Variants in SH3GL2 observed in about 807,000 individuals in gnomAD.
SH3GL2 encodes the protein endophilin-A1.
SH3GL2 carries 24 observed loss-of-function variants against 46.0 expected under a neutral mutation model. That is an observed-to-expected ratio of 0.52 (90% CI 0.38 to 0.73). The LOEUF (loss-of-function observed/expected upper bound fraction) is 0.73. Ranked by LOEUF, SH3GL2 falls within the 30% of genes least tolerant of loss-of-function variation. SH3GL2 has a pLI of 0.00. For missense variants in SH3GL2, 413 were observed against 424.2 expected, an observed-to-expected ratio of 0.97 and a Z score of 0.23; for synonymous variants, 196 against 147.1, an observed-to-expected ratio of 1.33 and a Z score of -2.40.
At chr9:17,794,161 T>C (rs947050942) in intron 8 of SH3GL2, among the ~76,000 whole-genome samples, 4 of 152,334 alleles carry the variant, frequency 2.6e-5, no homozygotes, top group African/African-American at 9.6e-5. Context: ...GAGCATTCTT[T>C]ACCTTGTCAC....
intron 1 of SH3GL2, among the ~76,000 whole-genome samples, chr9:17,621,376 G>A (rs1401149962): frequency 6.6e-6 from 1 of 152,170 alleles, no homozygotes; most frequent in Non-Finnish European, 1.5e-5. Context: ...TGCAAGACCT[G>A]CCTCTTAATC....
At chr9:17,695,216 G>C (rs1212774719) in intron 1 of SH3GL2, among the ~76,000 whole-genome samples, 2 of 152,040 alleles carry the variant, frequency 1.3e-5, no homozygotes, top group African/African-American at 2.4e-5. Context: ...AGCATAAGAT[G>C]AAATATCTTA....
At chr9:17,687,631 CAT>C (rs1447016785) in intron 1 of SH3GL2, among the ~76,000 whole-genome samples, 1 of 152,034 alleles carries the variant, frequency 6.6e-6, no homozygotes, top group African/African-American at 2.4e-5. Context: ...CTATAACATA[CAT>C]ATAGTTGAAC....
chr9:17,710,170 C>A (rs1027579493), intron 1 of SH3GL2, among the ~76,000 whole-genome samples: 2 of 151,928 alleles, frequency 1.3e-5, no homozygotes, highest in African/African-American at 4.8e-5. Flanking sequence ...TGAGTTCTCA[C>A]AAGATCTCAT....
chr9:17,786,033 G>GCT (rs1253235825), intron 3 of SH3GL2, among the ~76,000 whole-genome samples: 1 of 152,102 alleles, frequency 6.6e-6, no homozygotes, highest in African/African-American at 2.4e-5. Flanking sequence ...TTTGTAAAAA[G>GCT]CTCTCCATGG....
chr9:17,596,974 A>G (rs1818582411), intron 1 of SH3GL2, among the ~76,000 whole-genome samples: 1 of 152,148 alleles, frequency 6.6e-6, no homozygotes, highest in Non-Finnish European at 1.5e-5. Context: ...CTTCAATGGC[A>G]AGTGCTTCGA....
intron 1 of SH3GL2, among the ~76,000 whole-genome samples, chr9:17,602,215 G>A (rs970669888): frequency 2.0e-5 from 3 of 152,154 alleles, no homozygotes; most frequent in African/African-American, 7.2e-5. Context: ...CTCAGGATCA[G>A]AGTAGGGAGA....
chr9:17,791,466 T>G, intron 7 of SH3GL2, 132 bp downstream of exon 7: 1 of 647,878 alleles, frequency 1.5e-6, no homozygotes, highest in Non-Finnish European at 2.8e-6. Context: ...AGAGGCGCCT[T>G]GTGGATTGTT....
chr9:17,664,193 C>T (rs3808720), intron 1 of SH3GL2, among the ~76,000 whole-genome samples: 57,178 of 151,968 alleles, frequency 0.38, 11,735 homozygotes, highest in South Asian at 0.57. Flanking sequence ...CTAAAAATCT[C>T]GAACTAAAAC....
chr9:17,671,590 A>C (rs59558598), intron 1 of SH3GL2, among the ~76,000 whole-genome samples: 4,217 of 152,230 alleles, frequency 0.028, 186 homozygotes, highest in African/African-American at 0.097. Flanking sequence ...AAAACATCTC[A>C]TGTACCCCAT....
chr9:17,784,738 G>T (rs1383328657), intron 3 of SH3GL2, among the ~76,000 whole-genome samples: 1 of 152,120 alleles, frequency 6.6e-6, no homozygotes, highest in Non-Finnish European at 1.5e-5. Flanking sequence ...TTAAAAAAGA[G>T]ACAGGCTCTT....
At chr9:17,687,185 C>A (rs768236679) in intron 1 of SH3GL2, among the ~76,000 whole-genome samples, 4 of 152,044 alleles carry the variant, frequency 2.6e-5, no homozygotes, top group African/African-American at 9.7e-5. Context: ...TTCTTATAAT[C>A]ATTTCATCAT....
chr9:17,633,206 A>C (rs1346419287), intron 1 of SH3GL2, among the ~76,000 whole-genome samples: 1 of 152,020 alleles, frequency 6.6e-6, no homozygotes, highest in Non-Finnish European at 1.5e-5. Context: ...TGATTTCACA[A>C]CCATGTGGGA....
At chr9:17,778,842 G>A (rs1047230097) in intron 3 of SH3GL2, among the ~76,000 whole-genome samples, 14 of 152,136 alleles carry the variant, frequency 9.2e-5, no homozygotes, top group Non-Finnish European at 2.9e-5. Flanking sequence ...ATGAAGTCTA[G>A]TGCCTGAGCA....
intron 1 of SH3GL2, among the ~76,000 whole-genome samples, chr9:17,744,491 G>C (rs574585283): frequency 1.3e-5 from 2 of 151,978 alleles, no homozygotes; most frequent in Admixed American, 6.6e-5. Flanking sequence ...TCAGCCTCCA[G>C]AGTATCTGGG....
intron 1 of SH3GL2, among the ~76,000 whole-genome samples, chr9:17,637,569 A>G (rs532648898): frequency 2.0e-5 from 3 of 152,360 alleles, no homozygotes; most frequent in East Asian, 3.9e-4. Context: ...GGACAAGGAA[A>G]TAGTGGCAAC....
At chr9:17,684,779 G>C (rs1820861850) in intron 1 of SH3GL2, among the ~76,000 whole-genome samples, 1 of 152,054 alleles carries the variant, frequency 6.6e-6, no homozygotes, top group Non-Finnish European at 1.5e-5. Flanking sequence ...AATTAGGTAA[G>C]GTTACAGTGT....
chr9:17,706,785 T>TAATCTTATACCATTAA (rs1821483346), intron 1 of SH3GL2, among the ~76,000 whole-genome samples: 2 of 152,114 alleles, frequency 1.3e-5, no homozygotes, highest in East Asian at 3.9e-4. Context: ...TATCTAAGAC[T>TAATCTTATACCATTAA]AATCTTATAC....
intron 1 of SH3GL2, among the ~76,000 whole-genome samples, chr9:17,624,058 T>G (rs902367354): frequency 6.6e-6 from 1 of 152,200 alleles, no homozygotes; most frequent in African/African-American, 2.4e-5. Flanking sequence ...TTGCACAGCC[T>G]TGGTTTATCT....
Sources: gnomAD v4.1 joint callset for allele counts (sites outside exome capture counted in the v4.1 genomes callset) on GRCh38, gnomAD v4.1.1 for gene constraint, MANE v1.5 for transcripts, NCBI Gene and HGNC (gene_info 2026-07-23, HGNC 2026-07-21) for gene names.